Variants in SNX21 observed in about 807,000 individuals in gnomAD.
The protein encoded by SNX21 is sorting nexin family member 21.
A neutral mutation model predicts 30.9 loss-of-function variants in SNX21; 36 were observed. That is an observed-to-expected ratio of 1.16 (90% confidence interval 0.89 to 1.54). The LOEUF (loss-of-function observed/expected upper bound fraction) is 1.54. Among genes scored for constraint, SNX21 ranks in the 40% most tolerant of loss-of-function variants. The pLI is 0.00. For missense variants in SNX21, 508 were observed against 516.5 expected (o/e 0.98, Z 0.16); for synonymous variants, 218 against 222.7 (o/e 0.98, Z 0.19).
At position 45,834,188 on chromosome 20, in the gene SNX21, G is replaced by A. The variant is rs1278710310; in HGVS notation, c.22-13G>A. 1 of 1,483,764 alleles carries A rather than the reference G, an allele frequency of 6.7e-7. No homozygotes were observed. Among genetic ancestry groups the A allele is most frequent in the East Asian group, 2.4e-5 (1 of 41,832 alleles). 91.9% of individuals were successfully genotyped at this position (1,483,764 alleles called of 1,614,324 possible). On this transcript the variant is annotated splice_polypyrimidine_tract_variant and intron_variant, in intron 1 of 3. Coordinates refer to ENST00000491381, the MANE Select transcript of SNX21 (RefSeq NM_033421.4). ...TCCGGGATCCGGTACACAGCGTCGCGCGCTCCCCCCAGGGTGCCATGGCCT... is the reference window on the plus strand; with the variant it reads ...TCCGGGATCCGGTACACAGCGTCGCACGCTCCCCCCAGGGTGCCATGGCCT...
chr20:45,840,580 G>A (rs755029247), intron 3 of SNX21, 59 bp from the exon 4 acceptor site: 10 of 1,613,924 alleles, frequency 6.2e-6, no homozygotes, highest in Non-Finnish European at 7.6e-6. Flanking sequence ...GGGGAAGGAT[G>A]GGGAGGGAAC....
chr20:45,840,278 C>A, intron 3 of SNX21: 2 of 1,496,552 alleles, frequency 1.3e-6, no homozygotes, highest in Admixed American at 4.4e-5. Flanking sequence ...CTAAAGGAGC[C>A]CCAAGAGATT....
At position 45,842,355 on chromosome 20, in the gene SNX21, T is replaced by C; in HGVS notation, c.*1042T>C. On this transcript the variant is annotated 3_prime_UTR_variant, in exon 4 of 4. Coordinates refer to ENST00000491381, the MANE Select transcript of SNX21 (RefSeq NM_033421.4). Reference sequence around the variant, plus strand: ...AAAAAGATCACAGAGGGAGGAGCTCTGAGAACAGTCTCCTTCAACAGCTCG... The same window carrying C: ...AAAAAGATCACAGAGGGAGGAGCTCCGAGAACAGTCTCCTTCAACAGCTCG... 1.5e-6 allele frequency: 2 copies of C among 1,359,088 alleles called. No homozygotes were observed. The highest frequency in any genetic ancestry group is 1.9e-6 in the Non-Finnish European group (2 of 1,057,056). The allele number at this position is 1,359,088 out of a possible 1,614,324, so 84.2% of individuals were successfully genotyped here.
rs577482788 is a variant in SNX21, at chr20:45,842,064, C to T, written c.*751C>T. ...ACTAAGTTGCCAGGCTGGTCTCAAG[C>T]GCCTGGGTTCAAGGGATCCTCCCGC... On this transcript the variant is annotated 3_prime_UTR_variant, in exon 4 of 4. Transcript: ENST00000491381. 4.7e-5 allele frequency: 72 copies of T among 1,542,690 alleles called. No individual in the cohort carries two copies. Among genetic ancestry groups the T allele is most frequent in the Non-Finnish European group, 5.9e-5 (68 of 1,147,514 alleles).
In SNX21 at chr20:45,841,505, G is replaced by A; in HGVS notation, c.*192G>A. 6.5e-6 allele frequency: 9 copies of A among 1,388,916 alleles called. No homozygotes were observed. Among genetic ancestry groups the A allele is most frequent in the Non-Finnish European group, 8.3e-6 (9 of 1,078,766 alleles). 86.0% of individuals were successfully genotyped at this position (1,388,916 alleles called of 1,614,324 possible). A position where few individuals can be genotyped will look rare whatever the true frequency, so the allele number is the denominator to read the frequency against. Reference sequence around the variant, plus strand: ...CTCAGGGTGAGCTTTGGCTGGGGTTGCCCTTGTGTAGTACAGGGAAGTCTG... The same window carrying A: ...CTCAGGGTGAGCTTTGGCTGGGGTTACCCTTGTGTAGTACAGGGAAGTCTG... On this transcript the variant is annotated 3_prime_UTR_variant, in exon 4 of 4. Transcript: ENST00000491381.
In SNX21 at chr20:45,843,050, G is replaced by A; in HGVS notation, c.*1737G>A. The A allele has an allele frequency of 8.7e-7, 1 of 1,151,040 alleles. No homozygotes were observed. The highest frequency in any genetic ancestry group is 4.0e-4 in the Middle Eastern group (1 of 2,474). The allele number at this position is 1,151,040 out of a possible 1,614,324, so 71.3% of individuals were successfully genotyped here. ...CAATCAGGTTAATCAGAATCACTTA[G>A]AGAACTTAAAAATACAGTTTCCTGG... On this transcript the variant is annotated 3_prime_UTR_variant, in exon 4 of 4. Transcript: ENST00000491381.
In SNX21 at chr20:45,841,090, G is replaced by C. The variant is rs575725857; in HGVS notation, c.899G>C (p.Gly300Ala). The C allele has an allele frequency of 6.2e-7, 1 of 1,609,720 alleles. No homozygotes were observed. The highest frequency in any genetic ancestry group is 1.3e-5 in the African/African-American group (1 of 75,000). ...AVCHQELEDP[G>A]EARACCEKAL... ...TGCCACCAGGAGCTGGAAGACCCTG[G>C]AGAGGCCCGGGCATGCTGTGAGAAG... Residue 300 changes from glycine to alanine, a missense_variant, in exon 4 of 4, where the codon GGA (glycine) becomes GCA (alanine). Transcript: ENST00000491381.
In SNX21 at chr20:45,842,009, C is replaced by CTTT. The variant is rs370136124; in HGVS notation, c.*707_*709dup. 7 of 1,477,856 alleles carry CTTT rather than the reference C, an allele frequency of 4.7e-6. No individual in the cohort carries two copies. Among genetic ancestry groups the CTTT allele is most frequent in the Admixed American group, 2.0e-5 (1 of 51,076 alleles). The allele number at this position is 1,477,856 out of a possible 1,614,324, so 91.5% of individuals were successfully genotyped here. ...GCCTGCTTCAGAACAGCCAAATACA[C>CTTT]TTTTTTTTTTTTTCCTGAAACAGAG... On this transcript the variant is annotated 3_prime_UTR_variant, in exon 4 of 4. Coordinates refer to ENST00000491381, the MANE Select transcript of SNX21 (RefSeq NM_033421.4).
chr20:45,841,353 GC>G lies in SNX21; in HGVS notation c.*44del. The G allele has an allele frequency of 6.6e-7, 1 of 1,515,742 alleles. No individual in the cohort carries two copies. The highest frequency in any genetic ancestry group is 8.8e-7 in the Non-Finnish European group (1 of 1,133,554). 93.9% of individuals were successfully genotyped at this position (1,515,742 alleles called of 1,614,324 possible). On this transcript the variant is annotated 3_prime_UTR_variant, in exon 4 of 4. Coordinates refer to ENST00000491381, the MANE Select transcript of SNX21 (RefSeq NM_033421.4). ...TAAGGCCACTGTGAGGAGAGGGGTT[GC>G]CCCAGAAGGCAGGGGAAGGACCTGA...
Position 45,833,933 on chromosome 20 carries a change from C to T in SNX21, c.14C>T (p.Thr5Met). 1 of 1,432,962 alleles carries T rather than the reference C, an allele frequency of 7.0e-7. No homozygotes were observed. The highest frequency in any genetic ancestry group is 9.1e-7 in the Non-Finnish European group (1 of 1,096,182). The allele number at this position is 1,432,962 out of a possible 1,614,324, so 88.8% of individuals were successfully genotyped here. ...GCGCGCCCCTGAATGCACCGTGGGACGCAGGAGGTAGAGGCGCACGAGGCG... is the reference window on the plus strand; with the variant it reads ...GCGCGCCCCTGAATGCACCGTGGGATGCAGGAGGTAGAGGCGCACGAGGCG... MHRGTQEGAMASRLL... is the reference protein window; with the variant it reads MHRGMQEGAMASRLL... Residue 5 changes from threonine (T) to methionine (M), a missense_variant, in exon 1 of 4, where the codon ACG becomes ATG. Thr to Met is a moderately conservative substitution (Grantham distance 81). Coordinates refer to ENST00000491381, the MANE Select transcript of SNX21 (RefSeq NM_033421.4).
Position 45,833,907 on chromosome 20 carries a change from G to T in SNX21, c.-13G>T, listed in dbSNP as rs1983229193. The T allele has an allele frequency of 5.8e-6, 8 of 1,381,680 alleles. No homozygotes were observed. The South Asian group carries it at 1.4e-4, about 24-fold the overall frequency. The allele number at this position is 1,381,680 out of a possible 1,614,324, so 85.6% of individuals were successfully genotyped here. A position where few individuals can be genotyped will look rare whatever the true frequency, so the allele number is the denominator to read the frequency against. On this transcript the variant is annotated 5_prime_UTR_variant, in exon 1 of 4. Coordinates refer to ENST00000491381, the MANE Select transcript of SNX21 (RefSeq NM_033421.4). ...GGCTGCACCCGGACCCCTGGGGCGC[G>T]GCGCGCCCCTGAATGCACCGTGGGA...
chr20:45,842,223 A>G lies in SNX21; in HGVS notation c.*910A>G. ...TGCACTGAGTGTCGTGGCTGCTCCA[A>G]ATGCCCCTTCATGAGCTTATTATGG... On this transcript the variant is annotated 3_prime_UTR_variant, in exon 4 of 4. Transcript: ENST00000491381. 1 of 1,451,314 alleles carries G rather than the reference A, an allele frequency of 6.9e-7. No homozygotes were observed. The highest frequency in any genetic ancestry group is 9.0e-7 in the Non-Finnish European group (1 of 1,109,874). The allele number at this position is 1,451,314 out of a possible 1,614,324, so 89.9% of individuals were successfully genotyped here. A position where few individuals can be genotyped will look rare whatever the true frequency, so the allele number is the denominator to read the frequency against.
intron 3 of SNX21, 35 bp downstream of exon 3, chr20:45,835,151 C>A (rs199843387): frequency 4.8e-4 from 760 of 1,580,080 alleles, no homozygotes; most frequent in Non-Finnish European, 4.8e-4. Context: ...GGCTGTGAGT[C>A]CAGAAGTATG....
rs540575768 is a variant in SNX21 at position 45,833,858 on chromosome 20, G to A, written c.-62G>A. 10 of 1,297,510 alleles carry A rather than the reference G, an allele frequency of 7.7e-6. No individual in the cohort carries two copies. The highest frequency in any genetic ancestry group is 5.0e-5 in the South Asian group (2 of 40,370). 80.4% of individuals were successfully genotyped at this position (1,297,510 alleles called of 1,614,324 possible). On this transcript the variant is annotated 5_prime_UTR_variant, in exon 1 of 4. Coordinates refer to ENST00000491381, the MANE Select transcript of SNX21 (RefSeq NM_033421.4). The stretch of plus-strand genomic sequence containing the variant: ...AGCCCGGCGGAGCCCTGCAGAACCC[G>A]GCCGACCTCCATGGGCTGCGGGGGG...
chr20:45,834,541 A>G (rs2145734905), intron 2 of SNX21, 73 bp downstream of exon 2: 1 of 1,479,222 alleles, frequency 6.8e-7, no homozygotes, highest in South Asian at 1.4e-5. Context: ...TTCCCAGAGC[A>G]TCCAGGGCGC....
Position 45,834,848 on chromosome 20 carries a change from T to C in SNX21, c.290-111T>C, listed in dbSNP as rs910105197. On this transcript the variant is annotated intron_variant, in intron 2 of 3. Transcript: ENST00000491381. ...CTCTGTCCCTCAGTTTCCATTTCTGTAAAAAGGGGGTAAGTCCTGCCTCAC... is the reference window on the plus strand; with the variant it reads ...CTCTGTCCCTCAGTTTCCATTTCTGCAAAAAGGGGGTAAGTCCTGCCTCAC... The C allele has an allele frequency of 2.2e-6, 3 of 1,394,996 alleles. No individual in the cohort carries two copies. The South Asian group carries it at 4.1e-5, about 19-fold the overall frequency. The allele number at this position is 1,394,996 out of a possible 1,614,324, so 86.4% of individuals were successfully genotyped here.
chr20:45,838,895 T>C (rs1301909015), intron 3 of SNX21, among the ~76,000 whole-genome samples: 1 of 116,524 alleles, frequency 8.6e-6, no homozygotes, highest in Non-Finnish European at 1.8e-5. Flanking sequence ...AGAGAAGTAC[T>C]TTTTTTTTTT....
rs1372255767 is a variant in SNX21, at chr20:45,839,441, A to G, written c.448-1198A>G. ...TGAGGCAGGAGAATGGAGTGAACCC[A>G]GGAGGCGGAGCTTGCAGTGAGCCGA... On this transcript the variant is annotated intron_variant, in intron 3 of 3. Transcript: ENST00000491381. 9.2e-5 allele frequency among the ~76,000 whole-genome samples: 14 copies of G among 152,072 alleles called. No individual in the cohort carries two copies. The East Asian group carries it at 2.1e-3, about 23-fold the overall frequency.
rs912726384 is a variant in SNX21 at position 45,842,397 on chromosome 20, G to A, written c.*1084G>A. ...AACAGCTCGGCCAAGCAGAACTGCT[G>A]TACCTCTGACCACTTGTGTTAGGAA... On this transcript the variant is annotated 3_prime_UTR_variant, in exon 4 of 4. Coordinates refer to ENST00000491381, the MANE Select transcript of SNX21 (RefSeq NM_033421.4). The A allele has an allele frequency of 2.4e-6, 3 of 1,237,562 alleles. No homozygotes were observed. The highest frequency in any genetic ancestry group is 8.0e-5 in the Admixed American group (2 of 25,046). The allele number at this position is 1,237,562 out of a possible 1,614,324, so 76.7% of individuals were successfully genotyped here.
Sources: allele counts gnomAD v4.1 joint callset (sites outside exome capture counted in the v4.1 genomes callset), GRCh38; gene constraint gnomAD v4.1.1; transcripts MANE v1.5; gene names NCBI Gene and HGNC (gene_info 2026-07-23, HGNC 2026-07-21).